TSNARE1: variants seen among roughly 807,000 people sequenced by gnomAD.
TSNARE1 encodes the protein t-SNARE domain containing 1.
A neutral mutation model predicts 62.0 loss-of-function variants in TSNARE1; 49 were observed. The ratio of observed to expected loss-of-function variants is 0.79; its 90% CI spans 0.63 to 1.00. The LOEUF is 1.00. TSNARE1 is among the 50% of genes least tolerant of loss of function. TSNARE1 has a pLI of 0.00. For synonymous variants in TSNARE1, 328 were observed against 294.4 expected (o/e 1.11, Z -1.17); for missense variants, 755 against 700.1 (o/e 1.08, Z -0.88).
At chr8:142,306,929 T>C (rs4454410) in intron 9 of TSNARE1, among the ~76,000 whole-genome samples, 77,447 of 152,026 alleles carry the variant, frequency 0.51, 20,111 homozygotes, top group East Asian at 0.61. Flanking sequence ...AGGACACTGG[T>C]CAGGACCCCC....
chr8:142,383,966 G>A (rs1434207187), intron 1 of TSNARE1, among the ~76,000 whole-genome samples: 1 of 152,200 alleles, frequency 6.6e-6, no homozygotes, highest in Non-Finnish European at 1.5e-5. Context: ...GGCAGGCAGG[G>A]CCCACACAGG....
intron 12 of TSNARE1, among the ~76,000 whole-genome samples, chr8:142,252,969 G>A (rs1485557731): frequency 6.6e-6 from 1 of 152,224 alleles, no homozygotes; most frequent in Non-Finnish European, 1.5e-5. Context: ...CCAGGTGTGG[G>A]GATGCTCAGA....
intron 2 of TSNARE1, among the ~76,000 whole-genome samples, chr8:142,348,522 C>T (rs1392457808): frequency 6.7e-6 from 1 of 148,808 alleles, no homozygotes; most frequent in Non-Finnish European, 1.5e-5. Context: ...CCCTGGCCCC[C>T]GCTCCCGCCC....
intron 9 of TSNARE1, among the ~76,000 whole-genome samples, chr8:142,303,598 T>G (rs1826146827): frequency 6.6e-6 from 1 of 152,206 alleles, no homozygotes; most frequent in African/African-American, 2.4e-5. Flanking sequence ...CTGGAGCAGA[T>G]GGACAGGTGA....
At chr8:142,262,148 T>G (rs1207156115) in intron 12 of TSNARE1, among the ~76,000 whole-genome samples, 1 of 152,232 alleles carries the variant, frequency 6.6e-6, no homozygotes, top group Non-Finnish European at 1.5e-5. Context: ...TCTCTCTACC[T>G]CGTCCTTCTT....
intron 12 of TSNARE1, among the ~76,000 whole-genome samples, chr8:142,230,767 ACCATCCATCCATCCATCCAT>A (rs71313213): frequency 3.4e-5 from 5 of 148,694 alleles, no homozygotes; most frequent in Admixed American, 2.0e-4. Flanking sequence ...CATTAATGCA[ACCATCCATCCATCCATCCAT>A]CCATCCATCC....
chr8:142,395,927 C>T (rs561024971), intron 1 of TSNARE1, among the ~76,000 whole-genome samples: 2 of 152,320 alleles, frequency 1.3e-5, no homozygotes, highest in East Asian at 3.9e-4. Flanking sequence ...CCAAATACTT[C>T]GCTAGAATGG....
chr8:142,403,382 T>TCCGTTTCC (rs71313223), upstream of TSNARE1: 23,108 of 151,652 alleles, frequency 0.15, 2,472 homozygotes, highest in African/African-American at 0.3. Context: ...GTGGTGGGCC[T>TCCGTTTCC]CCGTTTCCCC....
intron 1 of TSNARE1, chr8:142,402,780 G>A (rs1409620183): frequency 6.6e-6 from 1 of 152,292 alleles, no homozygotes; most frequent in Admixed American, 6.5e-5. Flanking sequence ...CCGGCCCAGA[G>A]CCCACCGACC....
intron 12 of TSNARE1, chr8:142,274,528 G>A (rs1215202336): frequency 1.3e-5 from 13 of 985,348 alleles, no homozygotes; most frequent in Non-Finnish European, 1.6e-5. Context: ...CCATGGGAGA[G>A]GGCGGCGTGG....
At chr8:142,281,093 G>A (rs762695319) in intron 11 of TSNARE1, among the ~76,000 whole-genome samples, 3 of 152,202 alleles carry the variant, frequency 2.0e-5, no homozygotes, top group Non-Finnish European at 4.4e-5. Flanking sequence ...GAGCAGGAGG[G>A]ACCAGGAGGC....
intron 1 of TSNARE1, among the ~76,000 whole-genome samples, chr8:142,377,758 G>A (rs994470601): frequency 6.6e-6 from 1 of 152,220 alleles, no homozygotes; most frequent in Non-Finnish European, 1.5e-5. Context: ...CACCCCCAGA[G>A]CTCTGCTCCA....
rs1829765482 is a variant in TSNARE1, at chr8:142,323,341, G to A, written c.894-4707C>T. On this transcript the variant is annotated intron_variant, in intron 6 of 13. Transcript: ENST00000524325. ...CACGGGGGGCAGCACCAGCATGGCT[G>A]GCTGAACACTGTGGCATGGGGCAGG... Among the ~76,000 whole-genome samples, 8 of 152,380 alleles carry A rather than the reference G, an allele frequency of 5.3e-5. No homozygotes were observed. In the South Asian group the frequency reaches 1.7e-3, roughly 32 times the overall value.
intron 1 of TSNARE1, among the ~76,000 whole-genome samples, chr8:142,398,878 G>A (rs1224139579): frequency 1.3e-5 from 2 of 152,152 alleles, no homozygotes. Context: ...AAAAGGAAGG[G>A]CCCTGTGCAG....
intron 6 of TSNARE1, among the ~76,000 whole-genome samples, chr8:142,328,821 G>GGCA (rs1253406653): frequency 8.3e-6 from 1 of 120,622 alleles, no homozygotes; most frequent in African/African-American, 3.2e-5. Context: ...AGGCCTTTGG[G>GGCA]GGGGGGGAGG....
chr8:142,232,119 C>T (rs1817145360), intron 12 of TSNARE1, among the ~76,000 whole-genome samples: 2 of 152,222 alleles, frequency 1.3e-5, no homozygotes, highest in Non-Finnish European at 2.9e-5. Flanking sequence ...CTGGGCCTCT[C>T]GGCAGCAGCA....
At chr8:142,332,057 C>A (rs1270144556) in intron 4 of TSNARE1, among the ~76,000 whole-genome samples, 1 of 152,210 alleles carries the variant, frequency 6.6e-6, no homozygotes, top group Non-Finnish European at 1.5e-5. Flanking sequence ...GAGACGAAGG[C>A]AGGGGGTGGT....
At chr8:142,390,170 G>A (rs952219269) in intron 1 of TSNARE1, among the ~76,000 whole-genome samples, 1 of 152,274 alleles carries the variant, frequency 6.6e-6, no homozygotes, top group Admixed American at 6.5e-5. Context: ...GAAGTTGCCT[G>A]CGTGCGTCAG....
chr8:142,249,674 C>T (rs772733513), intron 12 of TSNARE1, among the ~76,000 whole-genome samples: 3 of 152,218 alleles, frequency 2.0e-5, no homozygotes, highest in Non-Finnish European at 4.4e-5. Context: ...AGGCCGTCCG[C>T]GTCAGGACCG....
Sources: allele counts gnomAD v4.1 joint callset (sites outside exome capture counted in the v4.1 genomes callset), GRCh38; gene constraint gnomAD v4.1.1; transcripts MANE v1.5; gene names NCBI Gene and HGNC (gene_info 2026-07-23, HGNC 2026-07-21).